The following GRM1 variants were observed in gnomAD, a reference collection of about 807,000 sequenced individuals.
GRM1 encodes the protein glutamate metabotropic receptor 1.
A neutral mutation model predicts 90.9 loss-of-function variants in GRM1; 33 were observed. That is an observed-to-expected ratio of 0.36 (90% CI 0.28 to 0.49). The LOEUF is 0.49. Among genes scored for constraint, GRM1 ranks in the 20% least tolerant of loss-of-function variants. The probability of loss-of-function intolerance (pLI) is 0.99; values close to 1 mark genes in which losing one functional copy is unlikely to be tolerated. For missense variants in GRM1, 1,190 were observed against 1,534.3 expected, an observed-to-expected ratio of 0.78 and a Z score of 3.75; for synonymous variants, 700 against 613.2, an observed-to-expected ratio of 1.14 and a Z score of -2.09.
chr6:146,240,926 T>C (rs941673042), intron 2 of GRM1, among the ~76,000 whole-genome samples: 1 of 152,118 alleles, frequency 6.6e-6, no homozygotes, highest in Non-Finnish European at 1.5e-5. Context: ...GACTACTGAA[T>C]GTGGGTCCCC....
At chr6:146,385,490 TA>T (rs1562656811) in intron 5 of GRM1, among the ~76,000 whole-genome samples, 1 of 151,684 alleles carries the variant, frequency 6.6e-6, no homozygotes, top group Non-Finnish European at 1.5e-5. Flanking sequence ...AAGGCAAAAT[TA>T]ATACTTTTTC....
intron 3 of GRM1, among the ~76,000 whole-genome samples, chr6:146,317,325 C>T (rs1055111398): frequency 3.3e-5 from 5 of 152,202 alleles, no homozygotes; most frequent in African/African-American, 1.2e-4. Context: ...CTTGCCTAAA[C>T]ATGTAAGCTC....
chr6:146,350,344 A>G (rs1785356925), intron 3 of GRM1, among the ~76,000 whole-genome samples: 1 of 151,902 alleles, frequency 6.6e-6, no homozygotes, highest in Non-Finnish European at 1.5e-5. Flanking sequence ...TTATTCTGAT[A>G]TTTTTCTACA....
intron 3 of GRM1, among the ~76,000 whole-genome samples, chr6:146,351,813 T>C (rs1400309266): frequency 6.6e-6 from 1 of 152,212 alleles, no homozygotes; most frequent in Non-Finnish European, 1.5e-5. Flanking sequence ...TACCATGGTT[T>C]AGATAATGCA....
intron 2 of GRM1, among the ~76,000 whole-genome samples, chr6:146,284,828 A>C (rs1782698947): frequency 6.6e-6 from 1 of 152,192 alleles, no homozygotes; most frequent in African/African-American, 2.4e-5. Context: ...TAAATTACCC[A>C]GCCTCAGGTA....
intron 2 of GRM1, among the ~76,000 whole-genome samples, chr6:146,178,373 C>T (rs1011045366): frequency 7.9e-5 from 12 of 152,098 alleles, no homozygotes; most frequent in African/African-American, 2.9e-4. Flanking sequence ...TTGAGTATCC[C>T]TTAGCTGAAA....
intron 2 of GRM1, among the ~76,000 whole-genome samples, chr6:146,258,467 T>C (rs908722901): frequency 6.6e-6 from 1 of 151,962 alleles, no homozygotes; most frequent in East Asian, 1.9e-4. Context: ...CTGCCTCTTT[T>C]TGTTTCTAAG....
chr6:146,288,031 T>C (rs1474796087), intron 2 of GRM1, among the ~76,000 whole-genome samples: 1 of 152,222 alleles, frequency 6.6e-6, no homozygotes, highest in Non-Finnish European at 1.5e-5. Context: ...GGAAGTGGGT[T>C]GCTGATGCAA....
chr6:146,275,430 T>TCCA (rs1782318837), intron 2 of GRM1, among the ~76,000 whole-genome samples: 1 of 152,110 alleles, frequency 6.6e-6, no homozygotes, highest in African/African-American at 2.4e-5. Flanking sequence ...TGAGAAGGCG[T>TCCA]GGGAATCAAG....
intron 2 of GRM1, among the ~76,000 whole-genome samples, chr6:146,199,940 C>T (rs1583154870): frequency 6.6e-6 from 1 of 152,250 alleles, no homozygotes; most frequent in African/African-American, 2.4e-5. Context: ...TCGCTTGAAC[C>T]TGGGAGGTGA....
intron 2 of GRM1, among the ~76,000 whole-genome samples, chr6:146,174,772 A>G (rs1042222095): frequency 1.3e-5 from 2 of 152,160 alleles, no homozygotes; most frequent in Admixed American, 1.3e-4. Context: ...TTCTGTGGAG[A>G]AAGACTTGTG....
rs182062286 is a variant in GRM1, at chr6:146,398,683, T to A, written c.1730-86T>A. On this transcript the variant is annotated intron_variant, in intron 6 of 7. Transcript: ENST00000282753. ...CTGTAAATCATGAAGGATGCAAAGA[T>A]GACTGTGTCTCTGGTAATTAATAGG... The A allele has an allele frequency of 1.1e-3, 985 of 900,242 alleles. 5 individuals are homozygous for A. The highest frequency in any genetic ancestry group is 8.7e-5 in the Non-Finnish European group (46 of 527,650). 55.8% of individuals were successfully genotyped at this position (900,242 alleles called of 1,614,324 possible). A position where few individuals can be genotyped will look rare whatever the true frequency, so the allele number is the denominator to read the frequency against.
chr6:146,256,705 A>T (rs746381661), intron 2 of GRM1, among the ~76,000 whole-genome samples: 5 of 151,790 alleles, frequency 3.3e-5, no homozygotes, highest in Admixed American at 1.3e-4. Context: ...ACCTTCTCAA[A>T]CCCCAACACT....
intron 6 of GRM1, among the ~76,000 whole-genome samples, chr6:146,398,061 G>A (rs1777029993): frequency 1.3e-5 from 2 of 152,174 alleles, no homozygotes; most frequent in Admixed American, 6.5e-5. Context: ...AGATAAGCCA[G>A]GAATTTAGGA....
intron 3 of GRM1, among the ~76,000 whole-genome samples, chr6:146,309,646 A>G (rs1363296169): frequency 1.3e-5 from 2 of 152,170 alleles, no homozygotes; most frequent in Non-Finnish European, 2.9e-5. Flanking sequence ...AAAATACTAT[A>G]ACTACTGGCC....
chr6:146,430,142 A>G (rs1778356388), intron 7 of GRM1, among the ~76,000 whole-genome samples: 1 of 152,186 alleles, frequency 6.6e-6, no homozygotes, highest in Non-Finnish European at 1.5e-5. Context: ...CCAAAGATAC[A>G]CTAATCTATT....
chr6:146,293,092 G>A (rs113945041), intron 2 of GRM1, among the ~76,000 whole-genome samples: 6 of 151,936 alleles, frequency 3.9e-5, no homozygotes, highest in African/African-American at 1.2e-4. Flanking sequence ...ATAAAAAAGT[G>A]ACTTGATTGC....
chr6:146,418,412 A>G (rs747441541), intron 7 of GRM1, among the ~76,000 whole-genome samples: 22 of 151,744 alleles, frequency 1.4e-4, no homozygotes, highest in Admixed American at 2.0e-4. Context: ...ACAGTGTGCA[A>G]TTTGGAATAT....
chr6:146,175,631 C>A (rs768035225), intron 2 of GRM1, among the ~76,000 whole-genome samples: 10 of 152,014 alleles, frequency 6.6e-5, no homozygotes, highest in African/African-American at 2.4e-4. Context: ...CACATAAATA[C>A]AAATGCAGGA....
Sources: gnomAD v4.1 joint callset for allele counts (sites outside exome capture counted in the v4.1 genomes callset) on GRCh38, gnomAD v4.1.1 for gene constraint, MANE v1.5 for transcripts, NCBI Gene and HGNC (gene_info 2026-07-23, HGNC 2026-07-21) for gene names.